CDS1: variants seen among roughly 807,000 people sequenced by gnomAD.
CDS1 encodes the protein CDP-diacylglycerol synthase 1, also known as phosphatidate cytidylyltransferase 1.
CDS1 carries 41 observed loss-of-function variants against 62.1 expected under a neutral mutation model. That is an observed-to-expected ratio of 0.66 (90% CI 0.51 to 0.86). The LOEUF (loss-of-function observed/expected upper bound fraction) is 0.86. CDS1 is among the 40% of genes least tolerant of loss of function. The probability of loss-of-function intolerance (pLI) is 0.00; values close to 1 mark genes in which losing one functional copy is unlikely to be tolerated. For missense variants in CDS1, 470 were observed against 550.1 expected (o/e 0.85, Z 1.46); for synonymous variants, 185 against 192.6 (o/e 0.96, Z 0.32).
chr4:84,605,122 G>A (rs979366314), intron 2 of CDS1, among the ~76,000 whole-genome samples: 1 of 152,134 alleles, frequency 6.6e-6, no homozygotes, highest in African/African-American at 2.4e-5. Context: ...CCAGATTAAT[G>A]TATGAAATGT....
intron 2 of CDS1, among the ~76,000 whole-genome samples, chr4:84,608,566 C>T (rs1020302413): frequency 9.2e-5 from 14 of 152,302 alleles, no homozygotes; most frequent in Admixed American, 1.3e-4. Context: ...CTGTCTTTAT[C>T]CTCAGTGGCT....
At chr4:84,592,582 T>C (rs1722624931) in intron 1 of CDS1, among the ~76,000 whole-genome samples, 1 of 152,202 alleles carries the variant, frequency 6.6e-6, no homozygotes, top group Admixed American at 6.5e-5. Flanking sequence ...GGTCATGTCA[T>C]TGAATGTTTG....
intron 2 of CDS1, among the ~76,000 whole-genome samples, chr4:84,609,157 T>C (rs112376278): frequency 0.081 from 11,053 of 136,132 alleles, 767 homozygotes; most frequent in African/African-American, 0.2. Flanking sequence ...CCAGCCTGGG[T>C]GCGACAGAGC....
intron 3 of CDS1, among the ~76,000 whole-genome samples, chr4:84,615,873 A>G (rs752853019): frequency 1.1e-4 from 17 of 152,202 alleles, no homozygotes; most frequent in Middle Eastern, 3.2e-3. Flanking sequence ...CCTGGAAGAT[A>G]CACATATAGT....
rs775614562 is a variant in CDS1, at chr4:84,583,363, G to A, written c.-39G>A. 4.1e-6 allele frequency: 6 copies of A among 1,462,614 alleles called. No individual in the cohort carries two copies. In the South Asian group the frequency reaches 5.7e-5, roughly 14 times the overall value. 90.6% of individuals were successfully genotyped at this position (1,462,614 alleles called of 1,614,324 possible). On this transcript the variant is annotated 5_prime_UTR_variant, in exon 1 of 13. The change creates a new upstream start codon in the 5' untranslated region. Coordinates refer to ENST00000295887, the MANE Select transcript of CDS1 (RefSeq NM_001263.4). Reference sequence around the variant, plus strand: ...CCCTGCTTGCAGCTCAGGTTTCGGGGTGCTTGAGGAGGCCGCCACGGCAGC... The same window carrying A: ...CCCTGCTTGCAGCTCAGGTTTCGGGATGCTTGAGGAGGCCGCCACGGCAGC...
At chr4:84,585,338 C>T (rs563359718) in intron 1 of CDS1, among the ~76,000 whole-genome samples, 3 of 152,198 alleles carry the variant, frequency 2.0e-5, no homozygotes, top group Non-Finnish European at 4.4e-5. Context: ...CAAGGATGAA[C>T]ATATTCAAAC....
intron 10 of CDS1, among the ~76,000 whole-genome samples, chr4:84,641,693 A>T (rs1444685277): frequency 6.6e-6 from 1 of 152,166 alleles, no homozygotes; most frequent in Non-Finnish European, 1.5e-5. Context: ...GGTATCTTGG[A>T]GGCCTTACAC....
At chr4:84,597,848 C>T (rs990988201) in intron 1 of CDS1, among the ~76,000 whole-genome samples, 4 of 151,384 alleles carry the variant, frequency 2.6e-5, no homozygotes, top group East Asian at 2.0e-4. Context: ...TGAAGAAGGC[C>T]GGGTGCGGTG....
chr4:84,600,054 A>G (rs974743940), intron 1 of CDS1, among the ~76,000 whole-genome samples: 4 of 152,154 alleles, frequency 2.6e-5, no homozygotes, highest in Non-Finnish European at 5.9e-5. Context: ...TGGTTGTTCA[A>G]TTTTAAAATT....
At position 84,587,874 on chromosome 4, in the gene CDS1, T is replaced by TG. The variant is rs139120559; in HGVS notation, c.117+4358dup. ...GGGAGGAGCCCTCAGAGAGAATAGATGGTGAATATTTCTTTCAGACCTTTA... is the reference window on the plus strand; with the variant it reads ...GGGAGGAGCCCTCAGAGAGAATAGATGGGTGAATATTTCTTTCAGACCTTTA... On this transcript the variant is annotated intron_variant, in intron 1 of 12. Coordinates refer to ENST00000295887, the MANE Select transcript of CDS1 (RefSeq NM_001263.4). 7.9e-3 allele frequency among the ~76,000 whole-genome samples: 1,199 copies of TG among 152,180 alleles called. 54 individuals are homozygous for TG. In the East Asian group the frequency reaches 0.13, roughly 16 times the overall value.
intron 1 of CDS1, among the ~76,000 whole-genome samples, chr4:84,603,839 T>G (rs1275642145): frequency 6.6e-6 from 1 of 152,226 alleles, no homozygotes; most frequent in Non-Finnish European, 1.5e-5. Context: ...GCTACGCTCG[T>G]GTAAGATATT....
intron 12 of CDS1, among the ~76,000 whole-genome samples, chr4:84,646,672 G>T (rs985727658): frequency 1.3e-5 from 2 of 152,060 alleles, no homozygotes; most frequent in African/African-American, 4.8e-5. Context: ...TATAATTTTT[G>T]AGATCTATTC....
chr4:84,596,890 G>A (rs955646075), intron 1 of CDS1, among the ~76,000 whole-genome samples: 5 of 152,040 alleles, frequency 3.3e-5, no homozygotes, highest in African/African-American at 1.2e-4. Context: ...AATATTGAGA[G>A]GCTAAGACTC....
rs545387552 is a variant in CDS1, at chr4:84,644,121, A to G, written c.1152+978A>G. 9.2e-5 allele frequency among the ~76,000 whole-genome samples: 14 copies of G among 152,290 alleles called. No homozygotes were observed. The South Asian group carries it at 2.1e-3, about 23-fold the overall frequency. On this transcript the variant is annotated intron_variant, in intron 11 of 12. Coordinates refer to ENST00000295887, the MANE Select transcript of CDS1 (RefSeq NM_001263.4). The stretch of plus-strand genomic sequence containing the variant: ...GGTGGGACCAGATCACACGCGGCCT[A>G]CGGGGTCAGGGAATAAGTGAACTCA...
chr4:84,598,477 C>T (rs1220945506), intron 1 of CDS1, among the ~76,000 whole-genome samples: 2 of 151,126 alleles, frequency 1.3e-5, no homozygotes, highest in Non-Finnish European at 2.9e-5. Context: ...AGGTTTGTTA[C>T]ATATGTATAC....
intron 3 of CDS1, among the ~76,000 whole-genome samples, chr4:84,617,236 ATC>A (rs1170473022): frequency 6.6e-6 from 1 of 152,190 alleles, no homozygotes; most frequent in Non-Finnish European, 1.5e-5. Flanking sequence ...GACAAGGACA[ATC>A]TCAAGAATGA....
In CDS1 at chr4:84,632,439, A is replaced by G. The variant is rs536075916; in HGVS notation, c.639+562A>G. Among the ~76,000 whole-genome samples the G allele has an allele frequency of 3.3e-5, 5 of 152,292 alleles. No homozygotes were observed. The East Asian group carries it at 5.8e-4, about 18-fold the overall frequency. On this transcript the variant is annotated intron_variant, in intron 6 of 12. Coordinates refer to ENST00000295887, the MANE Select transcript of CDS1 (RefSeq NM_001263.4). The stretch of plus-strand genomic sequence containing the variant: ...GTAGCTAGTACAACTGTACAATGCA[A>G]TGTAGTATTCAGATCTGTAAATTCA...
At position 84,651,121 on chromosome 4, in the gene CDS1, A is replaced by T. The variant is rs563169530; in HGVS notation, c.*2435A>T. 3.9e-4 allele frequency: 59 copies of T among 152,336 alleles called. 1 individual carries two copies. Among genetic ancestry groups the T allele is most frequent in the African/African-American group, 1.3e-3 (56 of 41,568 alleles). 9.4% of individuals were successfully genotyped at this position (152,336 alleles called of 1,614,324 possible). ...GACGTACATTCACTATCTGAGAGTG[A>T]AAGACCACACACACCCCTCTTTTTA... On this transcript the variant is annotated 3_prime_UTR_variant, in exon 13 of 13. Coordinates refer to ENST00000295887, the MANE Select transcript of CDS1 (RefSeq NM_001263.4).
intron 1 of CDS1, among the ~76,000 whole-genome samples, chr4:84,601,477 G>A (rs183870415): frequency 2.0e-5 from 3 of 152,256 alleles, no homozygotes; most frequent in Admixed American, 1.3e-4. Flanking sequence ...ATAAGTTTAC[G>A]GGGAATCATC....
Sources: allele counts gnomAD v4.1 joint callset (sites outside exome capture counted in the v4.1 genomes callset), GRCh38; gene constraint gnomAD v4.1.1; transcripts MANE v1.5; gene names NCBI Gene and HGNC (gene_info 2026-07-23, HGNC 2026-07-21).